Variants in TACC2 observed in about 807,000 individuals in gnomAD.
TACC2 encodes transforming acidic coiled-coil-containing protein 2.
In TACC2, 137 loss-of-function variants were observed where a neutral mutation model predicts 227.3. That is an observed-to-expected ratio of 0.60 (90% CI 0.52 to 0.69). The LOEUF is 0.69. Among genes scored for constraint, TACC2 ranks in the 30% least tolerant of loss-of-function variants. The probability of loss-of-function intolerance (pLI) is 0.00; values close to 1 mark genes in which losing one functional copy is unlikely to be tolerated. For missense variants in TACC2, 3,470 were observed against 3,694.4 expected, an observed-to-expected ratio of 0.94 and a Z score of 1.57; for synonymous variants, 1,523 against 1,487.5, an observed-to-expected ratio of 1.02 and a Z score of -0.55.
At chr10:122,196,396 T>G (rs962733620) in intron 8 of TACC2, among the ~76,000 whole-genome samples, 10 of 152,142 alleles carry the variant, frequency 6.6e-5, no homozygotes, top group Non-Finnish European at 1.3e-4. Context: ...ATGTCCCCCG[T>G]CTTTGACGGC....
rs756491441 is a variant in TACC2 at position 122,132,743 on chromosome 10, G to T, written c.5699+9G>T. The T allele has an allele frequency of 1.2e-6, 2 of 1,613,894 alleles. No homozygotes were observed. Among genetic ancestry groups the T allele is most frequent in the South Asian group, 2.2e-5 (2 of 91,058 alleles). ...GATCTGATAGCCCAGAGGTACGGTG[G>T]GGGCCCTGGAGCTGGTGATGAGACC... On this transcript the variant is annotated intron_variant, in intron 6 of 22. Transcript: ENST00000369005.
chr10:122,004,163 C>G lies in TACC2; in HGVS notation c.-46+14675C>G, dbSNP rs140318865. Among the ~76,000 whole-genome samples, 116 of 151,980 alleles carry G rather than the reference C, an allele frequency of 7.6e-4. 2 individuals are homozygous for G. The East Asian group carries it at 0.022, about 29-fold the overall frequency. On this transcript the variant is annotated intron_variant, in intron 1 of 22. Coordinates refer to ENST00000369005, the MANE Select transcript of TACC2 (RefSeq NM_206862.4). ...CTCTAATTCCAGCACTTTGGGAGGCCGAGGTGGGTGGATCACCTAAGGTCA... is the reference window on the plus strand; with the variant it reads ...CTCTAATTCCAGCACTTTGGGAGGCGGAGGTGGGTGGATCACCTAAGGTCA...
chr10:122,210,385 G>A lies in TACC2; in HGVS notation c.5972-12G>A. 6.2e-7 allele frequency: 1 copy of A among 1,606,226 alleles called. No homozygotes were observed. The highest frequency in any genetic ancestry group is 8.5e-7 in the Non-Finnish European group (1 of 1,172,876). On this transcript the variant is annotated splice_polypyrimidine_tract_variant and intron_variant, in intron 8 of 22. Coordinates refer to ENST00000369005, the MANE Select transcript of TACC2 (RefSeq NM_206862.4). The surrounding 1 kb of genome is among the most constrained non-coding windows in gnomAD (Gnocchi z 4.6). ...GTGTCTGTAATTGATGGCGTTGTCT[G>A]TGTTTCCCCAGGATGTGGTTCTGAG...
intron 11 of TACC2, among the ~76,000 whole-genome samples, chr10:122,217,122 A>G (rs573908198): frequency 6.0e-4 from 92 of 152,198 alleles, no homozygotes; most frequent in African/African-American, 2.0e-3. Context: ...AGCTTTGCCC[A>G]TGGCTTATGT....
intron 5 of TACC2, among the ~76,000 whole-genome samples, chr10:122,105,318 C>T (rs1289405483): frequency 6.6e-6 from 1 of 152,188 alleles, no homozygotes; most frequent in Non-Finnish European, 1.5e-5. Flanking sequence ...TTGGATGCTT[C>T]CAGTCTCTGG....
chr10:122,033,502 G>T (rs1433477336), intron 2 of TACC2, among the ~76,000 whole-genome samples: 1 of 152,182 alleles, frequency 6.6e-6, no homozygotes, highest in African/African-American at 2.4e-5. Context: ...TCCTTTGTCT[G>T]CAAGTGAAGC....
Position 122,249,139 on chromosome 10 carries a change from G to A in TACC2, c.8643G>A (p.Ala2881=), listed in dbSNP as rs376082640. 5.6e-5 allele frequency: 90 copies of A among 1,611,310 alleles called. No individual in the cohort carries two copies. The highest frequency in any genetic ancestry group is 1.9e-4 in the African/African-American group (14 of 75,012). ...GGTACCAGGCCCTGAAGGTGCACGC[G>A]GAGGAGAAACTGGACAGGTAACATT... ...EQRYQALKVH[A]EEKLDRANAE... Residue 2881 remains alanine (A), a synonymous_variant, in exon 21 of 23, where the codon GCG becomes GCA. Coordinates refer to ENST00000369005, the MANE Select transcript of TACC2 (RefSeq NM_206862.4).
intron 3 of TACC2, among the ~76,000 whole-genome samples, chr10:122,067,982 C>T (rs754727513): frequency 6.6e-6 from 1 of 152,218 alleles, no homozygotes; most frequent in Non-Finnish European, 1.5e-5. Flanking sequence ...TCTCACAGCT[C>T]ACTGATGCTT....
rs575057152 is a variant in TACC2, at chr10:122,190,217, A to C, written c.5835-4823A>C. 6.0e-4 allele frequency among the ~76,000 whole-genome samples: 92 copies of C among 152,336 alleles called. No homozygotes were observed. In the South Asian group the frequency reaches 0.019, roughly 31 times the overall value. On this transcript the variant is annotated intron_variant, in intron 7 of 22. Transcript: ENST00000369005. ...TGTTGTCGTAGTTCATAGAAGTAAA[A>C]ACCTGAAAATATTTAAACCAGATCA...
chr10:122,248,961 A>G, intron 20 of TACC2, 89 bp from the exon 21 acceptor site: 1 of 1,488,992 alleles, frequency 6.7e-7, no homozygotes, highest in Non-Finnish European at 9.3e-7. Context: ...CTGGGGTTAC[A>G]CCTGCATCCG....
chr10:122,249,606 C>G lies in TACC2; in HGVS notation c.8723C>G (p.Ala2908Gly). 2 of 1,614,134 alleles carry G rather than the reference C, an allele frequency of 1.2e-6. No homozygotes were observed. The highest frequency in any genetic ancestry group is 1.7e-6 in the Non-Finnish European group (2 of 1,180,012). The change falls in exon 22 of 23, where the codon GCC (alanine) becomes GGC (glycine). Residue 2908 changes from alanine (A) to glycine (G), a missense_variant. By Grantham distance (60) the Ala-to-Gly change is moderately conservative. Coordinates refer to ENST00000369005, the MANE Select transcript of TACC2 (RefSeq NM_206862.4). ...CAGCAGGAGCAAGCCGCCCACCAGG[C>G]CAGCCTGCGGAAGGAGCAGCTGCGA... ...KAQQEQAAHQ[A>G]SLRKEQLRVD...
intron 2 of TACC2, among the ~76,000 whole-genome samples, chr10:122,047,785 T>C (rs771346381): frequency 6.6e-6 from 1 of 152,256 alleles, no homozygotes; most frequent in Admixed American, 6.5e-5. Context: ...GCCCAGTGCC[T>C]GGCATTAGTA....
intron 1 of TACC2, among the ~76,000 whole-genome samples, chr10:122,016,741 C>T (rs1347698389): frequency 6.6e-6 from 1 of 152,120 alleles, no homozygotes; most frequent in Non-Finnish European, 1.5e-5. Context: ...CCAGCTTCTT[C>T]CGACTCCAAG....
intron 7 of TACC2, among the ~76,000 whole-genome samples, chr10:122,162,518 C>T (rs949568825): frequency 1.3e-5 from 2 of 152,120 alleles, no homozygotes; most frequent in South Asian, 2.1e-4. Context: ...GGGCTGGGAG[C>T]GCAGGAAGCG....
chr10:122,042,744 A>C (rs1465375781), intron 2 of TACC2, among the ~76,000 whole-genome samples: 1 of 152,234 alleles, frequency 6.6e-6, no homozygotes, highest in Non-Finnish European at 1.5e-5. Context: ...CTCGAGGTGT[A>C]GAACCCAGAG....
At chr10:122,248,869 G>C in intron 20 of TACC2, 66 bp downstream of exon 20, 1 of 1,597,536 alleles carries the variant, frequency 6.3e-7, no homozygotes. Context: ...GGAGCACTGG[G>C]AGGGGGTAGG....
chr10:122,084,866 C>T lies in TACC2; in HGVS notation c.2366C>T (p.Ala789Val). ...CCCCCCCAGGGGGAGAACTTGGCAG[C>T]AGACCTGGGGCTCACGGCACTCATC... Reference protein sequence around the residue: ...PHPPQGENLAADLGLTALILD... With the variant: ...PHPPQGENLAVDLGLTALILD... Residue 789 changes from alanine to valine, a missense_variant, in exon 4 of 23, where the codon GCA (alanine) becomes GTA (valine). Around this residue, in one of 10 missense-constraint regions of TACC2, gnomAD observed 1,924 missense variants for 1,978.3 expected, o/e 0.97. Transcript: ENST00000369005. 12 of 1,613,992 alleles carry T rather than the reference C, an allele frequency of 7.4e-6. No homozygotes were observed. The highest frequency in any genetic ancestry group is 9.3e-6 in the Non-Finnish European group (11 of 1,180,032).
chr10:122,082,968 T>G lies in TACC2; in HGVS notation c.468T>G (p.Ala156=), dbSNP rs1300665813. 3.1e-6 allele frequency: 5 copies of G among 1,612,898 alleles called. No homozygotes were observed. Among genetic ancestry groups the G allele is most frequent in the Non-Finnish European group, 4.2e-6 (5 of 1,180,004 alleles). The part of the protein sequence containing the change: ...APGDIAAAFP[A]ERDSSTPYQE... ...GAGACATCGCGGCGGCATTTCCCGC[T>G]GAGAGGGACAGCTCTACTCCATACC... is the stretch of plus-strand genomic sequence containing the variant. The change falls in exon 4 of 23, where the codon GCT becomes GCG. Residue 156 remains alanine (A), a synonymous_variant. Transcript: ENST00000369005.
At chr10:122,073,144 TATATATATACAC>T (rs1290252833) in intron 3 of TACC2, among the ~76,000 whole-genome samples, 2 of 112,422 alleles carry the variant, frequency 1.8e-5, no homozygotes, top group African/African-American at 7.4e-5. Context: ...TATATATATA[TATATATATACAC>T]ACACACACAC....
Sources: gnomAD v4.1 joint callset for allele counts (sites outside exome capture counted in the v4.1 genomes callset) on GRCh38, gnomAD v4.1.1 for gene constraint, gnomAD v4.1.1 regional missense constraint, Gnocchi (gnomAD v3.1) non-coding constraint, MANE v1.5 for transcripts, NCBI Gene and HGNC (gene_info 2026-07-23, HGNC 2026-07-21) for gene names.